The following ALPK3 variants were observed in gnomAD, a reference collection of about 807,000 sequenced individuals.
ALPK3 encodes alpha-protein kinase 3.
ALPK3 carries 102 observed loss-of-function variants against 140.0 expected under a neutral mutation model. The ratio of observed to expected loss-of-function variants is 0.73; its 90% confidence interval spans 0.62 to 0.86. ALPK3 has a LOEUF of 0.86. Among genes scored for constraint, ALPK3 ranks in the 40% least tolerant of loss-of-function variants. The probability of loss-of-function intolerance (pLI) is 0.00; values close to 1 mark genes in which losing one functional copy is unlikely to be tolerated. For missense variants in ALPK3, 2,254 were observed against 2,208.2 expected (o/e 1.02, Z -0.42); for synonymous variants, 938 against 898.5 (o/e 1.04, Z -0.79).
chr15:84,827,357 G>C lies in ALPK3; in HGVS notation c.183-127G>C. ...AAGCTGCCTTGAAGAAAGACTTGCC[G>C]GGGTGCTGCAGCTCTGGCCACAGGA... is the stretch of plus-strand genomic sequence containing the variant. On this transcript the variant is annotated intron_variant, in intron 2 of 13. Coordinates refer to ENST00000258888, the MANE Select transcript of ALPK3 (RefSeq NM_020778.5). The C allele has an allele frequency of 9.6e-6, 13 of 1,361,206 alleles. No homozygotes were observed. In the South Asian group the frequency reaches 1.5e-4, roughly 15 times the overall value. 84.3% of individuals were successfully genotyped at this position (1,361,206 alleles called of 1,614,324 possible).
rs1422252242 is a variant in ALPK3 at position 84,871,087 on chromosome 15, TG to T, written c.*2633del. On this transcript the variant is annotated 3_prime_UTR_variant, in exon 14 of 14. Transcript: ENST00000258888. Reference sequence around the variant, plus strand: ...GAAATTCTACAACCTGTAGATTAACTGGTAAAATTAACCATATTCAACCAAA... The same window carrying T: ...GAAATTCTACAACCTGTAGATTAACTGTAAAATTAACCATATTCAACCAAA... 9 of 152,670 alleles carry T rather than the reference TG, an allele frequency of 5.9e-5. No individual in the cohort carries two copies. The highest frequency in any genetic ancestry group is 1.5e-5 in the Non-Finnish European group (1 of 68,048). The allele number at this position is 152,670 out of a possible 1,614,324, so 9.5% of individuals were successfully genotyped here.
chr15:84,859,906 G>A lies in ALPK3; in HGVS notation c.4093+3G>A. 1.2e-6 allele frequency: 2 copies of A among 1,614,036 alleles called. No individual in the cohort carries two copies. Among genetic ancestry groups the A allele is most frequent in the Non-Finnish European group, 1.7e-6 (2 of 1,180,022 alleles). ...CGACTTCTGCCTCAGCCCTGAGGGT[G>A]AGTGTGCCCCGCGGCCCGGGGTCTC... On this transcript the variant is annotated splice_donor_region_variant and intron_variant, in intron 8 of 13. Coordinates refer to ENST00000258888, the MANE Select transcript of ALPK3 (RefSeq NM_020778.5).
Position 84,840,030 on chromosome 15 carries a change from C to T in ALPK3, c.751C>T (p.Gln251Ter), listed in dbSNP as rs1963641493. The T allele has an allele frequency of 1.2e-6, 2 of 1,613,634 alleles. No homozygotes were observed. The highest frequency in any genetic ancestry group is 1.7e-5 in the Admixed American group (1 of 59,950). ...EPEGGTLAAW[Q>*]EGETETAQHS... is the part of the protein sequence containing the mutation. The stretch of plus-strand genomic sequence containing the variant: ...TGAGGGTGGGACCCTGGCGGCTTGG[C>T]AGGAGGGAGAGACTGAGACTGCTCA... Residue 251 changes from glutamine to a stop codon, truncating the protein, a stop_gained, in exon 5 of 14, where the codon CAG becomes TAG. Coordinates refer to ENST00000258888, the MANE Select transcript of ALPK3 (RefSeq NM_020778.5). LOFTEE classifies it high-confidence loss of function.
intron 5 of ALPK3, among the ~76,000 whole-genome samples, chr15:84,844,625 G>A (rs554566862): frequency 6.6e-6 from 1 of 152,332 alleles, no homozygotes; most frequent in South Asian, 2.1e-4. Flanking sequence ...GGGAGGCTGA[G>A]GCAGATGGAT....
chr15:84,861,855 T>C (rs1251364030), intron 9 of ALPK3, among the ~76,000 whole-genome samples: 1 of 152,104 alleles, frequency 6.6e-6, no homozygotes, highest in Non-Finnish European at 1.5e-5. Flanking sequence ...GATTGGATTC[T>C]TTTTTTTGTT....
intron 5 of ALPK3, among the ~76,000 whole-genome samples, chr15:84,850,879 T>TATATACAC (rs144798232): frequency 1.3e-3 from 185 of 142,468 alleles, no homozygotes; most frequent in South Asian, 4.5e-3. Flanking sequence ...GTTCCAGATA[T>TATATACAC]ACACACACAC....
intron 12 of ALPK3, among the ~76,000 whole-genome samples, chr15:84,865,574 A>G (rs1409526179): frequency 6.6e-6 from 1 of 152,248 alleles, no homozygotes; most frequent in Non-Finnish European, 1.5e-5. Context: ...TTGAAAAAAT[A>G]AAAAGTTGAA....
At chr15:84,845,224 A>G (rs1251343429) in intron 5 of ALPK3, among the ~76,000 whole-genome samples, 4 of 151,976 alleles carry the variant, frequency 2.6e-5, no homozygotes, top group Non-Finnish European at 5.9e-5. Flanking sequence ...AGAGAGTTCC[A>G]GAAGCCCTCT....
chr15:84,825,922 A>G (rs993127519), intron 2 of ALPK3, among the ~76,000 whole-genome samples: 12 of 152,216 alleles, frequency 7.9e-5, no homozygotes, highest in Admixed American at 3.3e-4. Context: ...AGCTTATTGC[A>G]CAGATGAGTT....
rs554428196 is a variant in ALPK3, at chr15:84,857,645, G to T, written c.2907G>T (p.Lys969Asn). Residue 969 changes from lysine (K) to asparagine (N), a missense_variant, in exon 6 of 14, where the codon AAG (lysine) becomes AAT (asparagine). Lys to Asn is a moderately conservative substitution (Grantham distance 94, BLOSUM62 0). Around this residue, in one of 3 missense-constraint regions of ALPK3, gnomAD observed 2,088 missense variants for 2,022.9 expected, o/e 1.03. Coordinates refer to ENST00000258888, the MANE Select transcript of ALPK3 (RefSeq NM_020778.5). ...AGAACTACCTGCTTCTGCTGCTGAA[G>T]CTGTCCAGCACAGAGACAAGTGGAG... is the stretch of plus-strand genomic sequence containing the variant. ...SLKNYLLLLL[K>N]LSSTETSGAG... 1.3e-6 allele frequency: 2 copies of T among 1,593,586 alleles called. No homozygotes were observed. Among genetic ancestry groups the T allele is most frequent in the East Asian group, 2.3e-5 (1 of 44,422 alleles).
intron 3 of ALPK3, among the ~76,000 whole-genome samples, chr15:84,833,698 G>T (rs1048107639): frequency 1.3e-5 from 2 of 152,244 alleles, no homozygotes; most frequent in Admixed American, 1.3e-4. Context: ...TAGTCCAGGT[G>T]AGGGAGAGTC....
intron 9 of ALPK3, 36 bp downstream of exon 9, chr15:84,860,108 ACCCCTGCCATCTGC>A: frequency 6.2e-7 from 1 of 1,611,206 alleles, no homozygotes; most frequent in Non-Finnish European, 8.5e-7. Context: ...GGGTGGTCCT[ACCCCTGCCATCTGC>A]AGGGAGGACC....
chr15:84,833,469 C>T (rs1428112082), intron 3 of ALPK3, among the ~76,000 whole-genome samples: 6 of 152,174 alleles, frequency 3.9e-5, no homozygotes, highest in African/African-American at 7.2e-5. Context: ...GGGTTAGACA[C>T]GGGAGCTCTC....
intron 3 of ALPK3, among the ~76,000 whole-genome samples, chr15:84,835,156 G>A (rs554262884): frequency 1.3e-4 from 20 of 152,328 alleles, no homozygotes; most frequent in South Asian, 2.1e-4. Flanking sequence ...CATGGGGCAG[G>A]GAGGCTCTGA....
chr15:84,830,957 TC>T (rs1378713143), intron 3 of ALPK3, among the ~76,000 whole-genome samples: 5 of 152,174 alleles, frequency 3.3e-5, no homozygotes, highest in Non-Finnish European at 5.9e-5. Context: ...CAAGCAATCC[TC>T]CCACCTTGGC....
intron 3 of ALPK3, among the ~76,000 whole-genome samples, 199 bp from the exon 4 acceptor site, chr15:84,838,781 G>A (rs1390633149): frequency 1.3e-5 from 2 of 151,902 alleles, no homozygotes; most frequent in South Asian, 4.2e-4. Context: ...CACCACGTCC[G>A]GGTAATTTTT....
At position 84,868,536 on chromosome 15, in the gene ALPK3, A is replaced by C; in HGVS notation, c.*80A>C. The C allele has an allele frequency of 1.5e-6, 2 of 1,333,608 alleles. No individual in the cohort carries two copies. The highest frequency in any genetic ancestry group is 2.0e-6 in the Non-Finnish European group (2 of 992,748). 82.6% of individuals were successfully genotyped at this position (1,333,608 alleles called of 1,614,324 possible). On this transcript the variant is annotated 3_prime_UTR_variant, in exon 14 of 14. Transcript: ENST00000258888. Reference sequence around the variant, plus strand: ...TGAACTGGATGGAGACTTTCCAAATATGGAACTAACTGGAGAAGGTGCACG... The same window carrying C: ...TGAACTGGATGGAGACTTTCCAAATCTGGAACTAACTGGAGAAGGTGCACG...
intron 1 of ALPK3, among the ~76,000 whole-genome samples, 173 bp downstream of exon 1, chr15:84,817,768 C>G (rs1313829114): frequency 6.6e-6 from 1 of 152,198 alleles, no homozygotes; most frequent in African/African-American, 2.4e-5. Context: ...TTCATAGCCC[C>G]TTGTGACCCC....
At chr15:84,844,271 G>GAAAAAA (rs1963703316) in intron 5 of ALPK3, among the ~76,000 whole-genome samples, 1 of 151,976 alleles carries the variant, frequency 6.6e-6, no homozygotes, top group Non-Finnish European at 1.5e-5. Flanking sequence ...GCCAGGTGTG[G>GAAAAAA]TGGTGCATGC....
Sources: gnomAD v4.1 joint callset for allele counts (sites outside exome capture counted in the v4.1 genomes callset) on GRCh38, gnomAD v4.1.1 for gene constraint, gnomAD v4.1.1 regional missense constraint, MANE v1.5 for transcripts, NCBI Gene and HGNC (gene_info 2026-07-23, HGNC 2026-07-21) for gene names.